UNC5D: variants seen among roughly 807,000 people sequenced by gnomAD.
The protein encoded by UNC5D is netrin receptor UNC5D.
UNC5D carries 39 observed loss-of-function variants against 105.4 expected under a neutral mutation model. That is an observed-to-expected ratio of 0.37 (90% confidence interval 0.29 to 0.48). The LOEUF (loss-of-function observed/expected upper bound fraction) is 0.48, where lower values mean the gene tolerates loss of function less well. Ranked by LOEUF, UNC5D falls within the 20% of genes least tolerant of loss-of-function variation. The pLI is 0.98. For missense variants in UNC5D, 991 were observed against 1,202.4 expected (o/e 0.82, Z 2.60); for synonymous variants, 452 against 450.4 (o/e 1.00, Z -0.04).
intron 1 of UNC5D, among the ~76,000 whole-genome samples, chr8:35,493,176 T>C (rs1811321596): frequency 6.6e-6 from 1 of 151,484 alleles, no homozygotes; most frequent in Non-Finnish European, 1.5e-5. Context: ...CTAAGCACTT[T>C]ACTTTGGGGC....
At chr8:35,297,835 G>T (rs1807611682) in intron 1 of UNC5D, among the ~76,000 whole-genome samples, 1 of 151,956 alleles carries the variant, frequency 6.6e-6, no homozygotes, top group Non-Finnish European at 1.5e-5. Context: ...TCAGCAGGTT[G>T]TTAAAAATAC....
chr8:35,517,685 T>C (rs886068453), intron 1 of UNC5D, among the ~76,000 whole-genome samples: 1 of 152,184 alleles, frequency 6.6e-6, no homozygotes, highest in African/African-American at 2.4e-5. Flanking sequence ...GGCTGGAGCT[T>C]TTTAAATTCA....
At chr8:35,503,691 A>C (rs2130267721) in intron 1 of UNC5D, among the ~76,000 whole-genome samples, 1 of 152,292 alleles carries the variant, frequency 6.6e-6, no homozygotes, top group African/African-American at 2.4e-5. Context: ...AAAATGGTTA[A>C]ACACTATGCT....
chr8:35,788,571 G>A (rs1802858412), intron 16 of UNC5D, among the ~76,000 whole-genome samples: 1 of 152,082 alleles, frequency 6.6e-6, no homozygotes, highest in Non-Finnish European at 1.5e-5. Flanking sequence ...TTACTTGGCT[G>A]AAGAATGTTG....
chr8:35,611,055 T>C (rs185489491), intron 4 of UNC5D, among the ~76,000 whole-genome samples: 3 of 151,272 alleles, frequency 2.0e-5, no homozygotes, highest in Admixed American at 2.0e-4. Flanking sequence ...TAGTAGTTTC[T>C]AATACTAAAT....
At chr8:35,444,323 C>A (rs988094937) in intron 1 of UNC5D, among the ~76,000 whole-genome samples, 2 of 152,006 alleles carry the variant, frequency 1.3e-5, no homozygotes, top group African/African-American at 4.8e-5. Flanking sequence ...TTAGTAAGCA[C>A]GTTCAATCTG....
At chr8:35,615,260 C>G (rs1028205895) in intron 4 of UNC5D, among the ~76,000 whole-genome samples, 4 of 152,070 alleles carry the variant, frequency 2.6e-5, no homozygotes, top group African/African-American at 9.7e-5. Context: ...CTTGTCTTTG[C>G]TTCCTCTTTT....
At chr8:35,616,495 G>A (rs1031002472) in intron 4 of UNC5D, among the ~76,000 whole-genome samples, 1 of 152,168 alleles carries the variant, frequency 6.6e-6, no homozygotes, top group African/African-American at 2.4e-5. Flanking sequence ...ACTGCTGCCC[G>A]ATTGCAGTTA....
chr8:35,485,433 G>A (rs1302396808), intron 1 of UNC5D, among the ~76,000 whole-genome samples: 1 of 152,046 alleles, frequency 6.6e-6, no homozygotes, highest in African/African-American at 2.4e-5. Flanking sequence ...TCCTTAGTAC[G>A]TGCTACATAC....
At chr8:35,337,002 A>G (rs1028234585) in intron 1 of UNC5D, among the ~76,000 whole-genome samples, 7 of 152,066 alleles carry the variant, frequency 4.6e-5, no homozygotes, top group African/African-American at 1.7e-4. Flanking sequence ...TGTATTTTTC[A>G]TATTTATTTA....
chr8:35,369,167 G>C (rs933920056), intron 1 of UNC5D, among the ~76,000 whole-genome samples: 5 of 152,094 alleles, frequency 3.3e-5, no homozygotes, highest in Non-Finnish European at 7.4e-5. Flanking sequence ...TTGGTGGTGA[G>C]TATACTGTAA....
chr8:35,671,211 A>ATATT (rs1332098217), intron 4 of UNC5D, among the ~76,000 whole-genome samples: 8 of 152,034 alleles, frequency 5.3e-5, no homozygotes, highest in Non-Finnish European at 1.0e-4. Context: ...TGTCTCTCTT[A>ATATT]TATTTGTTTC....
At chr8:35,337,673 C>T (rs570890189) in intron 1 of UNC5D, among the ~76,000 whole-genome samples, 1 of 152,156 alleles carries the variant, frequency 6.6e-6, no homozygotes, top group South Asian at 2.1e-4. Flanking sequence ...CTCAAGCAAA[C>T]TCAACTTCTC....
At chr8:35,451,970 T>A (rs1808180792) in intron 1 of UNC5D, among the ~76,000 whole-genome samples, 1 of 152,198 alleles carries the variant, frequency 6.6e-6, no homozygotes, top group Non-Finnish European at 1.5e-5. Flanking sequence ...TTCATTCCCA[T>A]GCCTAGGCAA....
At chr8:35,430,353 C>G (rs1313175728) in intron 1 of UNC5D, among the ~76,000 whole-genome samples, 1 of 152,138 alleles carries the variant, frequency 6.6e-6, no homozygotes. Flanking sequence ...ACTCCACACC[C>G]TTTTCCCATG....
intron 7 of UNC5D, among the ~76,000 whole-genome samples, chr8:35,702,418 C>T (rs115116506): frequency 4.0e-3 from 615 of 152,064 alleles, no homozygotes; most frequent in African/African-American, 0.013. Context: ...GTTTGAAAAG[C>T]TCCCCAGGTG....
At chr8:35,748,302 G>A (rs747191433) in intron 11 of UNC5D, among the ~76,000 whole-genome samples, 22 of 152,088 alleles carry the variant, frequency 1.4e-4, no homozygotes, top group Non-Finnish European at 2.9e-4. Context: ...TTTTGTTGGT[G>A]GGTTTGTCAA....
intron 1 of UNC5D, among the ~76,000 whole-genome samples, chr8:35,494,858 T>C (rs1811445674): frequency 6.6e-6 from 1 of 152,228 alleles, no homozygotes; most frequent in Non-Finnish European, 1.5e-5. Flanking sequence ...GCTTTAATTA[T>C]ACTTTTGTTT....
At chr8:35,255,124 C>G (rs888355064) in intron 1 of UNC5D, 3 of 152,130 alleles carry the variant, frequency 2.0e-5, no homozygotes, top group African/African-American at 4.8e-5. Context: ...CTCTTAGTCG[C>G]CACCATTTTG....
Sources: gnomAD v4.1 joint callset for allele counts (sites outside exome capture counted in the v4.1 genomes callset) on GRCh38, gnomAD v4.1.1 for gene constraint, MANE v1.5 for transcripts, NCBI Gene and HGNC (gene_info 2026-07-23, HGNC 2026-07-21) for gene names.